The following MRPL37 variants were observed in gnomAD, a reference collection of about 807,000 sequenced individuals.
MRPL37 encodes mitochondrial ribosomal protein L37, also known as large ribosomal subunit protein mL37.
In MRPL37, 34 loss-of-function variants were observed where a neutral mutation model predicts 44.1. The observed-to-expected ratio is 0.77, with a 90% CI of 0.59 to 1.03. The LOEUF (loss-of-function observed/expected upper bound fraction) is 1.03, where lower values mean the gene tolerates loss of function less well. Ranked by LOEUF, MRPL37 falls within the 50% of genes least tolerant of loss-of-function variation. The probability of loss-of-function intolerance (pLI) is 0.00; values close to 1 mark genes in which losing one functional copy is unlikely to be tolerated. For synonymous variants in MRPL37, 212 were observed against 219.5 expected (o/e 0.97, Z 0.30); for missense variants, 532 against 543.7 (o/e 0.98, Z 0.21).
chr1:54,223,725 C>T (rs772808017), downstream of MRPL37, among the ~76,000 whole-genome samples: 1 of 152,184 alleles, frequency 6.6e-6, no homozygotes, highest in Admixed American at 6.5e-5. Context: ...TGTGGTCTGG[C>T]CCCCGACTCC....
intron 3 of MRPL37, 146 bp downstream of exon 3, chr1:54,205,556 C>A: frequency 1.5e-6 from 1 of 652,586 alleles, no homozygotes; most frequent in Non-Finnish European, 2.6e-6. Flanking sequence ...CTCAGACACA[C>A]CCTCAGTATC....
At chr1:54,218,068 A>C in intron 6 of MRPL37, 104 bp from the exon 7 acceptor site, 1 of 1,042,778 alleles carries the variant, frequency 9.6e-7, no homozygotes, top group Non-Finnish European at 1.5e-6. Flanking sequence ...TCAGAAAAAG[A>C]AAGTTACTGT....
downstream of MRPL37, among the ~76,000 whole-genome samples, chr1:54,219,827 T>A (rs759434291): frequency 3.3e-5 from 5 of 152,360 alleles, no homozygotes; most frequent in Non-Finnish European, 4.4e-5. Flanking sequence ...CAGCCTGTTC[T>A]GCACTTCCTT....
chr1:54,208,161 C>G (rs181825501), intron 3 of MRPL37, among the ~76,000 whole-genome samples: 1 of 152,160 alleles, frequency 6.6e-6, no homozygotes, highest in Non-Finnish European at 1.5e-5. Context: ...ATATGCTAAT[C>G]CGACTTCAGT....
downstream of MRPL37, among the ~76,000 whole-genome samples, chr1:54,221,657 ACATGCAGTCACACTCCCACC>A (rs1406574495): frequency 2.0e-5 from 3 of 152,138 alleles, no homozygotes; most frequent in Non-Finnish European, 4.4e-5. Context: ...ACACTCCCAC[ACATGCAGTCACACTCCCACC>A]CACACACCAC....
chr1:54,200,286 T>C lies in MRPL37; in HGVS notation c.43T>C (p.Ser15Pro). 1.2e-6 allele frequency: 2 copies of C among 1,608,080 alleles called. No individual in the cohort carries two copies. The highest frequency in any genetic ancestry group is 1.7e-6 in the Non-Finnish European group (2 of 1,177,632). Reference sequence around the variant, plus strand: ...GCCCGCAAGGCGGGCGCTAGCTGGCTCCGGGCAGCTCGGCCTTGGGGGCTT... The same window carrying C: ...GCCCGCAAGGCGGGCGCTAGCTGGCCCCGGGCAGCTCGGCCTTGGGGGCTT... ...SGPARRALAG[S>P]GQLGLGGFGA... is the part of the protein sequence containing the mutation. Residue 15 changes from serine (S) to proline (P), a missense_variant, in exon 1 of 7, where the codon TCC (serine) becomes CCC (proline). By Grantham distance (74) the Ser-to-Pro change is moderately conservative. Coordinates refer to ENST00000360840, the MANE Select transcript of MRPL37 (RefSeq NM_016491.4).
chr1:54,219,896 G>A (rs368936030), downstream of MRPL37, among the ~76,000 whole-genome samples: 3 of 152,130 alleles, frequency 2.0e-5, no homozygotes, highest in Admixed American at 1.3e-4. Flanking sequence ...GGATCTCTTC[G>A]TTCTTTTGAG....
intron 3 of MRPL37, among the ~76,000 whole-genome samples, chr1:54,206,111 T>TTTATTTA (rs1447375117): frequency 6.7e-6 from 1 of 148,302 alleles, no homozygotes; most frequent in African/African-American, 2.6e-5. Flanking sequence ...TATTTATTTA[T>TTTATTTA]TTTATTTATT....
chr1:54,216,328 A>C lies in MRPL37; in HGVS notation c.1178A>C (p.Lys393Thr). The C allele has an allele frequency of 6.2e-7, 1 of 1,614,042 alleles. No individual in the cohort carries two copies. Residue 393 changes from lysine to threonine, a missense_variant, in exon 6 of 7, where the codon AAA becomes ACA. Coordinates refer to ENST00000360840, the MANE Select transcript of MRPL37 (RefSeq NM_016491.4). ...CATTTTTGGTGTCTCCCAGTGATCAAAAAGAGAGTGGTTGTGGTAAGTTGA... is the reference window on the plus strand; with the variant it reads ...CATTTTTGGTGTCTCCCAGTGATCACAAAGAGAGTGGTTGTGGTAAGTTGA... ...YQHFWCLPVI[K>T]KRVVVEPVGP...
downstream of MRPL37, among the ~76,000 whole-genome samples, chr1:54,221,476 C>G (rs917160117): frequency 6.6e-6 from 1 of 152,208 alleles, no homozygotes; most frequent in African/African-American, 2.4e-5. Flanking sequence ...ACCCTCTCCC[C>G]TCAGAATACA....
At position 54,213,146 on chromosome 1, in the gene MRPL37, A is replaced by T. The variant is rs535309443; in HGVS notation, c.990+488A>T. Among the ~76,000 whole-genome samples, 8 of 152,242 alleles carry T rather than the reference A, an allele frequency of 5.3e-5. No individual in the cohort carries two copies. In the South Asian group the frequency reaches 1.7e-3, roughly 32 times the overall value. On this transcript the variant is annotated intron_variant, in intron 5 of 6. Transcript: ENST00000360840. ...AGGATGGGTGCTGGGGACCCAAGAT[A>T]CTCGTTGGTGTTATCCCCTGATCCT...
intron 3 of MRPL37, among the ~76,000 whole-genome samples, chr1:54,206,967 G>A (rs1644128661): frequency 6.6e-6 from 1 of 152,018 alleles, no homozygotes; most frequent in Admixed American, 6.6e-5. Context: ...TGGCCGGGCT[G>A]GTCTTGAACT....
intron 1 of MRPL37, among the ~76,000 whole-genome samples, chr1:54,204,631 T>C (rs988371230): frequency 6.6e-6 from 1 of 152,094 alleles, no homozygotes; most frequent in Admixed American, 6.6e-5. Flanking sequence ...AGGGCTGGGG[T>C]GTGGGTTATT....
rs377185454 is a variant in MRPL37 at position 54,216,167 on chromosome 1, C to T, written c.1017C>T (p.Pro339=). 10 of 1,614,176 alleles carry T rather than the reference C, an allele frequency of 6.2e-6. No individual in the cohort carries two copies. Among genetic ancestry groups the T allele is most frequent in the South Asian group, 1.1e-5 (1 of 91,072 alleles). ...YGNDAKVLEQ[P]VVVQSVGTDG... is the part of the protein sequence containing the mutation. ...ATGATGCCAAGGTCTTGGAGCAGCC[C>T]GTGGTGGTGCAGAGCGTGGGCACGG... is the stretch of plus-strand genomic sequence containing the variant. The change falls in exon 6 of 7, where the codon CCC becomes CCT. Residue 339 remains proline (P), a synonymous_variant. Transcript: ENST00000360840.
rs1487972253 is a variant in MRPL37 at position 54,200,376 on chromosome 1, C to G, written c.133C>G (p.Pro45Ala). ...VRSTRKSEPP[P>A]LDRVYEIPGL... Reference sequence around the variant, plus strand: ...CTCCACGCGGAAGTCGGAGCCTCCTCCCCTGGATAGGGTGTACGAGATCCC... The same window carrying G: ...CTCCACGCGGAAGTCGGAGCCTCCTGCCCTGGATAGGGTGTACGAGATCCC... The change falls in exon 1 of 7, where the codon CCC becomes GCC. Residue 45 changes from proline to alanine, a missense_variant. Coordinates refer to ENST00000360840, the MANE Select transcript of MRPL37 (RefSeq NM_016491.4). The G allele has an allele frequency of 1.2e-6, 2 of 1,614,092 alleles. No homozygotes were observed. Among genetic ancestry groups the G allele is most frequent in the Non-Finnish European group, 1.7e-6 (2 of 1,180,034 alleles).
downstream of MRPL37, among the ~76,000 whole-genome samples, chr1:54,222,913 C>T (rs1048218986): frequency 1.3e-5 from 2 of 152,200 alleles, no homozygotes; most frequent in African/African-American, 2.4e-5. Flanking sequence ...AGTGCCAGAA[C>T]AACCCCTGGC....
At chr1:54,205,527 C>A in intron 3 of MRPL37, 117 bp downstream of exon 3, 2 of 814,492 alleles carry the variant, frequency 2.5e-6, no homozygotes, top group Non-Finnish European at 1.9e-6. Context: ...TCCCATCATT[C>A]GTGGTCTCGT....
At chr1:54,220,446 G>A (rs1478429372), downstream of MRPL37, among the ~76,000 whole-genome samples, 1 of 152,200 alleles carries the variant, frequency 6.6e-6, no homozygotes, top group East Asian at 1.9e-4. Flanking sequence ...CTACACTTTT[G>A]TGTCAAGGGA....
downstream of MRPL37, among the ~76,000 whole-genome samples, chr1:54,221,487 TCTC>T (rs1299246049): frequency 9.2e-5 from 14 of 151,850 alleles, no homozygotes; most frequent in Admixed American, 3.3e-4. Context: ...TCAGAATACA[TCTC>T]CTCATATCCA....
Sources: allele counts gnomAD v4.1 joint callset (sites outside exome capture counted in the v4.1 genomes callset), GRCh38; gene constraint gnomAD v4.1.1; transcripts MANE v1.5; gene names NCBI Gene and HGNC (gene_info 2026-07-23, HGNC 2026-07-21).